Variants in SPIDR observed in about 807,000 individuals in gnomAD.
SPIDR encodes the protein scaffold protein involved in DNA repair, also known as DNA repair-scaffolding protein.
Under a neutral mutation model 104.6 loss-of-function variants are expected in SPIDR, and 93 were observed. That is an observed-to-expected ratio of 0.89 (90% confidence interval 0.75 to 1.06). The LOEUF is 1.06. SPIDR is among the 50% of genes least tolerant of loss of function. The pLI, the probability that SPIDR is intolerant of heterozygous loss-of-function variation, is 0.00. For missense variants in SPIDR, 1,154 were observed against 1,111.2 expected, an observed-to-expected ratio of 1.04 and a Z score of -0.55; for synonymous variants, 431 against 416.9, an observed-to-expected ratio of 1.03 and a Z score of -0.41.
intron 10 of SPIDR, among the ~76,000 whole-genome samples, chr8:47,657,081 G>C (rs2072966189): frequency 6.6e-6 from 1 of 152,178 alleles, no homozygotes; most frequent in South Asian, 2.1e-4. Context: ...ATTAGATAGT[G>C]CTGATGGTTG....
intron 5 of SPIDR, among the ~76,000 whole-genome samples, chr8:47,341,656 C>CT (rs1587329290): frequency 1.3e-5 from 2 of 152,040 alleles, no homozygotes; most frequent in South Asian, 2.1e-4. Flanking sequence ...TTGCTGTTGT[C>CT]TAAGTTTTAC....
chr8:47,422,949 T>A (rs1324502675), intron 7 of SPIDR, among the ~76,000 whole-genome samples: 2 of 152,158 alleles, frequency 1.3e-5, no homozygotes, highest in Non-Finnish European at 2.9e-5. Context: ...CATTTCAGTA[T>A]AAAAGACATA....
intron 5 of SPIDR, among the ~76,000 whole-genome samples, chr8:47,300,440 G>T (rs2041857512): frequency 6.6e-6 from 1 of 152,074 alleles, no homozygotes; most frequent in Non-Finnish European, 1.5e-5. Context: ...GGTTTTTTGT[G>T]TCTCTATTTC....
intron 8 of SPIDR, among the ~76,000 whole-genome samples, chr8:47,474,283 G>A (rs894557259): frequency 1.3e-5 from 2 of 152,112 alleles, no homozygotes; most frequent in African/African-American, 2.4e-5. Flanking sequence ...ATTCTGTGTC[G>A]AATACCCATG....
chr8:47,413,126 T>G (rs1171664558), intron 7 of SPIDR, among the ~76,000 whole-genome samples: 1 of 152,228 alleles, frequency 6.6e-6, no homozygotes, highest in Non-Finnish European at 1.5e-5. Context: ...TGGTGGATGG[T>G]GAACTATCAG....
Position 47,595,851 on chromosome 8 carries a change from C to G in SPIDR, c.1138C>G (p.Leu380Val), listed in dbSNP as rs905773941. ...TCCAAGTGGAAGTTGCCCTGTTATTCTGAATACTTACTTTTGTGAGAAAGT... is the reference window on the plus strand; with the variant it reads ...TCCAAGTGGAAGTTGCCCTGTTATTGTGAATACTTACTTTTGTGAGAAAGT... Reference protein sequence around the residue: ...IIPSGSCPVILNTYFCEKVVA... With the variant: ...IIPSGSCPVIVNTYFCEKVVA... The change falls in exon 9 of 20, where the codon CTG becomes GTG. Residue 380 changes from leucine (L) to valine (V), a missense_variant. Physicochemically the swap from Leu to Val is conservative, Grantham distance 32. Transcript: ENST00000297423. 6.2e-7 allele frequency: 1 copy of G among 1,614,060 alleles called. No individual in the cohort carries two copies. The highest frequency in any genetic ancestry group is 8.5e-7 in the Non-Finnish European group (1 of 1,180,036).
At chr8:47,415,529 GGTAA>G (rs1428028733) in intron 7 of SPIDR, among the ~76,000 whole-genome samples, 8 of 152,180 alleles carry the variant, frequency 5.3e-5, no homozygotes, top group African/African-American at 1.9e-4. Flanking sequence ...GGTATTAGGA[GGTAA>G]GTAAGGCTTT....
chr8:47,465,820 G>T (rs1484009552), intron 8 of SPIDR, among the ~76,000 whole-genome samples: 3 of 152,034 alleles, frequency 2.0e-5, no homozygotes, highest in African/African-American at 7.2e-5. Context: ...CAAAATAAAG[G>T]GATGAAAAGA....
chr8:47,344,936 G>A (rs1264261597), intron 5 of SPIDR, among the ~76,000 whole-genome samples: 16 of 152,274 alleles, frequency 1.1e-4, no homozygotes, highest in African/African-American at 3.4e-4. Context: ...CACTCTGATG[G>A]TAGTTTCTTT....
intron 10 of SPIDR, among the ~76,000 whole-genome samples, chr8:47,673,062 A>T (rs970951153): frequency 2.0e-5 from 3 of 152,198 alleles, no homozygotes; most frequent in Non-Finnish European, 2.9e-5. Flanking sequence ...TTATTTACTG[A>T]CTATAATTTC....
intron 10 of SPIDR, among the ~76,000 whole-genome samples, chr8:47,638,497 T>G (rs1183138123): frequency 6.6e-6 from 1 of 152,184 alleles, no homozygotes; most frequent in Non-Finnish European, 1.5e-5. Flanking sequence ...CATGGCCAGA[T>G]AGAGGCTTTA....
rs1343409534 is a variant in SPIDR, at chr8:47,712,719, A to C, written c.2035A>C (p.Thr679Pro). The change falls in exon 15 of 20, where the codon ACT becomes CCT. Residue 679 changes from threonine (T) to proline (P), a missense_variant. Thr to Pro is a conservative substitution (Grantham distance 38). Transcript: ENST00000297423. ...REIWLLVTDVTLQTKEERDPR... is the reference protein window; with the variant it reads ...REIWLLVTDVPLQTKEERDPR... ...GATCTGGCTGCTAGTGACCGATGTC[A>C]CTCTGCAAACGAAGGAGGAGAGAGA... The C allele has an allele frequency of 5.6e-6, 9 of 1,614,086 alleles. No individual in the cohort carries two copies. Among genetic ancestry groups the C allele is most frequent in the Non-Finnish European group, 7.6e-6 (9 of 1,180,016 alleles).
chr8:47,361,520 C>T (rs1470560029), intron 5 of SPIDR, among the ~76,000 whole-genome samples: 1 of 152,222 alleles, frequency 6.6e-6, no homozygotes, highest in Non-Finnish European at 1.5e-5. Context: ...CATATGAGTG[C>T]TAGTTAGAGC....
chr8:47,542,787 T>C (rs1314135612), intron 8 of SPIDR, among the ~76,000 whole-genome samples: 5 of 152,170 alleles, frequency 3.3e-5, no homozygotes, highest in African/African-American at 1.2e-4. Context: ...CAAGATATAA[T>C]AGTTTCAACA....
chr8:47,726,743 T>TG (rs1175984110), intron 16 of SPIDR, among the ~76,000 whole-genome samples: 4 of 152,124 alleles, frequency 2.6e-5, no homozygotes, highest in African/African-American at 9.7e-5. Context: ...ATCTTTTTTT[T>TG]GGGGAGTGGG....
chr8:47,420,568 A>T lies in SPIDR; in HGVS notation c.877+12607A>T, dbSNP rs2065250613. The stretch of plus-strand genomic sequence containing the variant: ...ACTGATGGGTCTTGACTCTTTATCC[A>T]ATTTGCCAGTCTGTGTCTTTTAATT... On this transcript the variant is annotated intron_variant, in intron 7 of 19. Transcript: ENST00000297423. Among the ~76,000 whole-genome samples, 2 of 152,250 alleles carry T rather than the reference A, an allele frequency of 1.3e-5. 1 individual carries two copies. The highest frequency in any genetic ancestry group is 2.9e-5 in the Non-Finnish European group (2 of 68,030).
chr8:47,704,488 G>C (rs1402213907), intron 14 of SPIDR, among the ~76,000 whole-genome samples: 1 of 152,010 alleles, frequency 6.6e-6, no homozygotes, highest in African/African-American at 2.4e-5. Flanking sequence ...CTGGCTCCAC[G>C]GTCCCTCAGT....
chr8:47,293,696 C>G (rs1457976900), intron 4 of SPIDR, among the ~76,000 whole-genome samples, 171 bp from the exon 5 acceptor site: 1 of 152,140 alleles, frequency 6.6e-6, no homozygotes. Flanking sequence ...ATTCTGCCCA[C>G]CCTGGCCTCC....
intron 10 of SPIDR, among the ~76,000 whole-genome samples, chr8:47,628,656 A>G (rs540386123): frequency 3.2e-4 from 49 of 152,324 alleles, no homozygotes; most frequent in Non-Finnish European, 5.7e-4. Flanking sequence ...CATCCCCAAG[A>G]TATCTTATTA....
Sources: allele counts gnomAD v4.1 joint callset (sites outside exome capture counted in the v4.1 genomes callset), GRCh38; gene constraint gnomAD v4.1.1; transcripts MANE v1.5; gene names NCBI Gene and HGNC (gene_info 2026-07-23, HGNC 2026-07-21).